The following CIPC variants were observed in gnomAD, a reference collection of about 807,000 sequenced individuals.
CIPC encodes CLOCK-interacting pacemaker.
CIPC carries 12 observed loss-of-function variants against 26.7 expected under a neutral mutation model. That is an observed-to-expected ratio of 0.45 (90% CI 0.29 to 0.73). The LOEUF (loss-of-function observed/expected upper bound fraction) is 0.73, where lower values mean the gene tolerates loss of function less well. Ranked by LOEUF, CIPC falls within the 30% of genes least tolerant of loss-of-function variation. The pLI is 0.12. For missense variants in CIPC, 417 were observed against 486.5 expected, an observed-to-expected ratio of 0.86 and a Z score of 1.34; for synonymous variants, 170 against 189.8, an observed-to-expected ratio of 0.90 and a Z score of 0.86.
chr14:77,110,791 A>T (rs536388688), intron 3 of CIPC, among the ~76,000 whole-genome samples: 4 of 152,346 alleles, frequency 2.6e-5, no homozygotes, highest in African/African-American at 7.2e-5. Flanking sequence ...ATATGGGTCC[A>T]TTGATGAGGC....
rs139669796 is a variant in CIPC, at chr14:77,109,079, A to T, written c.137-733A>T. ...TGTGCAGAATGGCATTTAGAAACCA[A>T]GATCTGGGCACTCAATATGTACATT... On this transcript the variant is annotated intron_variant, in intron 2 of 3. Transcript: ENST00000361786. Among the ~76,000 whole-genome samples the T allele has an allele frequency of 3.2e-4, 48 of 152,268 alleles. 1 individual carries two copies. Among genetic ancestry groups the T allele is most frequent in the Admixed American group, 2.0e-3 (30 of 15,288 alleles).
At chr14:77,109,289 T>C (rs1886649011) in intron 2 of CIPC, among the ~76,000 whole-genome samples, 2 of 152,230 alleles carry the variant, frequency 1.3e-5, no homozygotes, top group African/African-American at 4.8e-5. Context: ...ATATTTCCAT[T>C]GATGTATATC....
At position 77,113,772 on chromosome 14, in the gene CIPC, C is replaced by T. The variant is rs370874115; in HGVS notation, c.654C>T (p.Pro218=). The part of the protein sequence containing the change: ...VPSSPSTPAP[P]SAKLAEDSAL... ...CCAGTCCCTCGACGCCAGCACCACC[C>T]AGCGCCAAACTTGCCGAGGACTCAG... is the stretch of plus-strand genomic sequence containing the variant. Residue 218 remains proline, a synonymous_variant, in exon 4 of 4, where the codon CCC becomes CCT. Coordinates refer to ENST00000361786, the MANE Select transcript of CIPC (RefSeq NM_033426.3). The T allele has an allele frequency of 6.2e-7, 1 of 1,613,536 alleles. No homozygotes were observed. Among genetic ancestry groups the T allele is most frequent in the East Asian group, 2.2e-5 (1 of 44,880 alleles).
At position 77,109,977 on chromosome 14, in the gene CIPC, A is replaced by G. The variant is rs151146858; in HGVS notation, c.302A>G (p.Lys101Arg). The G allele has an allele frequency of 6.7e-5, 108 of 1,614,010 alleles. No individual in the cohort carries two copies. Among genetic ancestry groups the G allele is most frequent in the Middle Eastern group, 4.9e-4 (3 of 6,082 alleles). The change falls in exon 3 of 4, where the codon AAA becomes AGA. Residue 101 changes from lysine (K) to arginine (R), a missense_variant. Coordinates refer to ENST00000361786, the MANE Select transcript of CIPC (RefSeq NM_033426.3). Reference protein sequence around the residue: ...PMVVMKNVLVKQGSSSSQLQS... With the variant: ...PMVVMKNVLVRQGSSSSQLQS... ...GTCGTCATGAAGAATGTGCTTGTCAAACAGGTGAGGAGGACTAATATCACC... is the reference window on the plus strand; with the variant it reads ...GTCGTCATGAAGAATGTGCTTGTCAGACAGGTGAGGAGGACTAATATCACC...
At position 77,117,164 on chromosome 14, in the gene CIPC, G is replaced by T. The variant is rs972346058; in HGVS notation, c.*2846G>T. ...GTGCATATATTGAAGTGGTTTTTCA[G>T]CTATGAATTCTTTAGGGTAGAAATT... On this transcript the variant is annotated 3_prime_UTR_variant, in exon 4 of 4. Transcript: ENST00000361786. The T allele has an allele frequency of 6.6e-6, 1 of 152,512 alleles. No homozygotes were observed. Among genetic ancestry groups the T allele is most frequent in the African/African-American group, 2.4e-5 (1 of 41,346 alleles). The allele number at this position is 152,512 out of a possible 1,614,324, so 9.4% of individuals were successfully genotyped here. A position where few individuals can be genotyped will look rare whatever the true frequency, so the allele number is the denominator to read the frequency against.
chr14:77,105,751 T>C lies in CIPC; in HGVS notation c.43T>C (p.Ser15Pro). Residue 15 changes from serine to proline, a missense_variant, in exon 2 of 4, where the codon TCT becomes CCT. Physicochemically the swap from Ser to Pro is moderately conservative, Grantham distance 74. Transcript: ENST00000361786. Reference protein sequence around the residue: ...NPSRESPRRLSAKVGKGTEMK... With the variant: ...NPSRESPRRLPAKVGKGTEMK... Reference sequence around the variant, plus strand: ...ATCCAGAGAGAGCCCCAGAAGACTCTCTGCCAAAGTAGGCAAAGGCACAGA... The same window carrying C: ...ATCCAGAGAGAGCCCCAGAAGACTCCCTGCCAAAGTAGGCAAAGGCACAGA... 1 of 1,614,182 alleles carries C rather than the reference T, an allele frequency of 6.2e-7. No individual in the cohort carries two copies. Among genetic ancestry groups the C allele is most frequent in the Non-Finnish European group, 8.5e-7 (1 of 1,180,016 alleles).
At chr14:77,103,050 T>C (rs2140026588) in intron 1 of CIPC, among the ~76,000 whole-genome samples, 1 of 152,376 alleles carries the variant, frequency 6.6e-6, no homozygotes, top group East Asian at 1.9e-4. Context: ...TTATCTTTTA[T>C]GCACATAGGA....
chr14:77,102,506 A>T (rs1054074457), intron 1 of CIPC, among the ~76,000 whole-genome samples: 2 of 152,346 alleles, frequency 1.3e-5, no homozygotes, highest in African/African-American at 4.8e-5. Flanking sequence ...TATCCTACAA[A>T]TTCTCAATAA....
rs1440302321 is a variant in CIPC, at chr14:77,116,316, T to G, written c.*1998T>G. ...TCTCTTTGCTTCCCCTGAATCTGTG[T>G]GGTACTATAGCAGCTCTACTCTGTG... is the stretch of plus-strand genomic sequence containing the variant. On this transcript the variant is annotated 3_prime_UTR_variant, in exon 4 of 4. Transcript: ENST00000361786. The G allele has an allele frequency of 3.3e-5, 5 of 152,244 alleles. No homozygotes were observed. Among genetic ancestry groups the G allele is most frequent in the African/African-American group, 9.6e-5 (4 of 41,458 alleles). The allele number at this position is 152,244 out of a possible 1,614,324, so 9.4% of individuals were successfully genotyped here.
intron 1 of CIPC, among the ~76,000 whole-genome samples, chr14:77,102,227 A>G (rs566620335): frequency 2.6e-5 from 4 of 152,304 alleles, no homozygotes; most frequent in African/African-American, 7.2e-5. Context: ...GGCAGGACCC[A>G]TTCTGGAATG....
chr14:77,101,009 C>T (rs1430103130), intron 1 of CIPC, among the ~76,000 whole-genome samples: 1 of 152,154 alleles, frequency 6.6e-6, no homozygotes, highest in East Asian at 1.9e-4. Context: ...CCTTTTAATG[C>T]AGAATAAGGT....
At chr14:77,112,446 G>C (rs1026058453) in intron 3 of CIPC, among the ~76,000 whole-genome samples, 2 of 152,164 alleles carry the variant, frequency 1.3e-5, no homozygotes, top group Non-Finnish European at 2.9e-5. Flanking sequence ...TTAGTAACTT[G>C]ATGACTTAAA....
chr14:77,110,963 C>A (rs1343771352), intron 3 of CIPC, among the ~76,000 whole-genome samples: 1 of 152,144 alleles, frequency 6.6e-6, no homozygotes, highest in African/African-American at 2.4e-5. Flanking sequence ...ACAAGGCAGA[C>A]TGGTGAGTTC....
intron 2 of CIPC, among the ~76,000 whole-genome samples, chr14:77,109,268 G>A (rs1281408812): frequency 6.6e-6 from 1 of 152,172 alleles, no homozygotes; most frequent in Non-Finnish European, 1.5e-5. Flanking sequence ...TATCACTGGA[G>A]ATTCTAAATC....
Position 77,114,735 on chromosome 14 carries a change from C to T in CIPC, c.*417C>T, listed in dbSNP as rs1886776954. 1 of 167,198 alleles carries T rather than the reference C, an allele frequency of 6.0e-6. No individual in the cohort carries two copies. The highest frequency in any genetic ancestry group is 2.4e-5 in the African/African-American group (1 of 41,762). 10.4% of individuals were successfully genotyped at this position (167,198 alleles called of 1,614,324 possible). A position where few individuals can be genotyped will look rare whatever the true frequency, so the allele number is the denominator to read the frequency against. On this transcript the variant is annotated 3_prime_UTR_variant, in exon 4 of 4. Coordinates refer to ENST00000361786, the MANE Select transcript of CIPC (RefSeq NM_033426.3). ...CAGGGAGTAGGTGACACAAGGAAAC[C>T]TTCATGGATCTTCCCTTGCCTGTCT... is the stretch of plus-strand genomic sequence containing the variant.
At position 77,113,896 on chromosome 14, in the gene CIPC, G is replaced by A. The variant is rs769362669; in HGVS notation, c.778G>A (p.Ala260Thr). The change falls in exon 4 of 4, where the codon GCT becomes ACT. Residue 260 changes from alanine to threonine, a missense_variant. By Grantham distance (58) the Ala-to-Thr change is moderately conservative. Transcript: ENST00000361786. ...GGCTAAAGCTCCCAGTCTGACCTTC[G>A]CTTCCCCCGCCAGTCCTGTCTGCGC... Reference protein sequence around the residue: ...HVAKAPSLTFASPASPVCASD... With the variant: ...HVAKAPSLTFTSPASPVCASD... 2 of 1,613,988 alleles carry A rather than the reference G, an allele frequency of 1.2e-6. No homozygotes were observed. The highest frequency in any genetic ancestry group is 1.1e-5 in the South Asian group (1 of 91,082).
chr14:77,100,196 C>A, intron 1 of CIPC, among the ~76,000 whole-genome samples: 1 of 151,862 alleles, frequency 6.6e-6, no homozygotes, highest in East Asian at 1.9e-4. Context: ...GAATTTTGTC[C>A]CCTTATATAA....
At chr14:77,104,882 T>A (rs541918256) in intron 1 of CIPC, among the ~76,000 whole-genome samples, 6 of 152,244 alleles carry the variant, frequency 3.9e-5, no homozygotes, top group Middle Eastern at 3.2e-3. Flanking sequence ...GCACAATGCC[T>A]GATTTACAAT....
At chr14:77,107,172 A>G (rs1008709023) in intron 2 of CIPC, among the ~76,000 whole-genome samples, 5 of 152,166 alleles carry the variant, frequency 3.3e-5, no homozygotes, top group African/African-American at 9.7e-5. Context: ...GTTTCATTTC[A>G]TGAATACGTG....
Sources: gnomAD v4.1 joint callset for allele counts (sites outside exome capture counted in the v4.1 genomes callset) on GRCh38, gnomAD v4.1.1 for gene constraint, MANE v1.5 for transcripts, NCBI Gene and HGNC (gene_info 2026-07-23, HGNC 2026-07-21) for gene names.